Variants in ZEB2 observed in about 807,000 individuals in gnomAD.
ZEB2 encodes the protein zinc finger E-box binding homeobox 2.
A neutral mutation model predicts 99.9 loss-of-function variants in ZEB2; 6 were observed. The observed-to-expected ratio is 0.06, with a 90% confidence interval of 0.03 to 0.12. The LOEUF is 0.12. Ranked by LOEUF, ZEB2 falls within the 10% of genes least tolerant of loss-of-function variation. ZEB2 has a pLI of 1.00. For synonymous variants in ZEB2, 517 were observed against 542.5 expected, an observed-to-expected ratio of 0.95 and a Z score of 0.65; for missense variants, 969 against 1,502.8, an observed-to-expected ratio of 0.64 and a Z score of 5.87.
At chr2:144,476,983 TTTATATATTATCTA>T (rs1378504949) in intron 2 of ZEB2, among the ~76,000 whole-genome samples, 2 of 152,228 alleles carry the variant, frequency 1.3e-5, no homozygotes, top group Non-Finnish European at 2.9e-5. Flanking sequence ...TGAAACAAAA[TTTATATATTATCTA>T]TTATCTCAAA....
chr2:144,513,246 G>A, intron 2 of ZEB2: 1 of 1,287,796 alleles, frequency 7.8e-7, no homozygotes, highest in Non-Finnish European at 1.0e-6. Context: ...GGTAAAGAGT[G>A]AGGGCTTATT....
chr2:144,510,659 A>C (rs767071413), intron 2 of ZEB2, among the ~76,000 whole-genome samples: 4 of 149,548 alleles, frequency 2.7e-5, no homozygotes, highest in Non-Finnish European at 4.4e-5. Context: ...CAAACACCTA[A>C]GTTATTTTAC....
chr2:144,493,870 C>T lies in ZEB2; in HGVS notation c.73+23408G>A, dbSNP rs373074076. 2.6e-4 allele frequency among the ~76,000 whole-genome samples: 39 copies of T among 152,152 alleles called. No homozygotes were observed. The South Asian group carries it at 7.5e-3, about 29-fold the overall frequency. ...CTTGGTCTTTTTAGATTGTCAAAAA[C>T]GGCCAGGCGCAGTGGCTCACGCCTG... On this transcript the variant is annotated intron_variant, in intron 2 of 9. Transcript: ENST00000627532.
At position 144,416,605 on chromosome 2, in the gene ZEB2, C is replaced by T. The variant is rs542382425; in HGVS notation, c.403+8191G>A. On this transcript the variant is annotated intron_variant, in intron 4 of 9. Coordinates refer to ENST00000627532, the MANE Select transcript of ZEB2 (RefSeq NM_014795.4). ...GACTACATTCTCTCCTATCATCATT[C>T]TGTCTTCTTCTTCTGATCTTACTGC... 6.6e-5 allele frequency among the ~76,000 whole-genome samples: 10 copies of T among 152,292 alleles called. No homozygotes were observed. The East Asian group carries it at 1.5e-3, about 23-fold the overall frequency.
chr2:144,434,151 G>A (rs1289902849), intron 2 of ZEB2, among the ~76,000 whole-genome samples: 1 of 152,168 alleles, frequency 6.6e-6, no homozygotes, highest in Non-Finnish European at 1.5e-5. Flanking sequence ...TTCACCAGAA[G>A]CAGAAACTCT....
At chr2:144,506,504 C>T (rs1704952269) in intron 2 of ZEB2, among the ~76,000 whole-genome samples, 1 of 152,174 alleles carries the variant, frequency 6.6e-6, no homozygotes, top group African/African-American at 2.4e-5. Context: ...TGATGTGAAA[C>T]ACTTCCATTG....
intron 4 of ZEB2, among the ~76,000 whole-genome samples, chr2:144,416,232 T>A (rs1357079052): frequency 6.6e-6 from 1 of 152,206 alleles, no homozygotes; most frequent in Non-Finnish European, 1.5e-5. Context: ...TTTATTTACC[T>A]CAGTTCACCT....
At position 144,389,176 on chromosome 2, in the gene ZEB2, T is replaced by C. The variant is rs1703120751; in HGVS notation, c.*275A>G. On this transcript the variant is annotated 3_prime_UTR_variant, in exon 10 of 10. Transcript: ENST00000627532. This position sits in a 1 kb window ranked among gnomAD's most constrained non-coding sequence, Gnocchi z 6.8. ...ATTCTTACAATTTTCTAGTTGTGCTTAAAGTATAAATGCTATTAAACACAG... is the reference window on the plus strand; with the variant it reads ...ATTCTTACAATTTTCTAGTTGTGCTCAAAGTATAAATGCTATTAAACACAG... 1 of 583,880 alleles carries C rather than the reference T, an allele frequency of 1.7e-6. No individual in the cohort carries two copies. The highest frequency in any genetic ancestry group is 1.9e-5 in the African/African-American group (1 of 53,538). 36.2% of individuals were successfully genotyped at this position (583,880 alleles called of 1,614,324 possible). A position where few individuals can be genotyped will look rare whatever the true frequency, so the allele number is the denominator to read the frequency against.
intron 2 of ZEB2, among the ~76,000 whole-genome samples, chr2:144,487,360 C>T (rs1416740233): frequency 1.3e-5 from 2 of 151,932 alleles, no homozygotes; most frequent in Admixed American, 1.3e-4. Context: ...ATATCAGGAA[C>T]AATTTTGAAT....
Position 144,385,320 on chromosome 2 carries a change from T to C in ZEB2, c.*4131A>G, listed in dbSNP as rs1038630321. 1 of 152,152 alleles carries C rather than the reference T, an allele frequency of 6.6e-6. No individual in the cohort carries two copies. The highest frequency in any genetic ancestry group is 2.4e-5 in the African/African-American group (1 of 41,434). 9.4% of individuals were successfully genotyped at this position (152,152 alleles called of 1,614,324 possible). ...CAAATGTCATTGAATACAGAATAGT[T>C]GAGTTACAGTTAAGAAGGGAGCCAT... On this transcript the variant is annotated 3_prime_UTR_variant, in exon 10 of 10. Coordinates refer to ENST00000627532, the MANE Select transcript of ZEB2 (RefSeq NM_014795.4).
At position 144,388,888 on chromosome 2, in the gene ZEB2, CAG is replaced by C; in HGVS notation, c.*561_*562del. On this transcript the variant is annotated 3_prime_UTR_variant, in exon 10 of 10. Transcript: ENST00000627532. The surrounding 1 kb of genome is among the most constrained non-coding windows in gnomAD (Gnocchi z 5.4). ...ACATGCATCACTTCAAGTTCCTTCA[CAG>C]AAAAAAAAAAAAATTGAGGCCTAAA... 2.6e-6 allele frequency: 1 copy of C among 383,442 alleles called. No homozygotes were observed. Among genetic ancestry groups the C allele is most frequent in the Admixed American group, 3.0e-5 (1 of 33,378 alleles). 23.8% of individuals were successfully genotyped at this position (383,442 alleles called of 1,614,324 possible).
intron 1 of ZEB2, chr2:144,519,370 C>T (rs1338648701): frequency 6.6e-6 from 1 of 151,440 alleles, no homozygotes; most frequent in East Asian, 1.9e-4. Flanking sequence ...AAATGAAACT[C>T]GCTAAGCAGA....
At chr2:144,478,678 T>A (rs539794262) in intron 2 of ZEB2, among the ~76,000 whole-genome samples, 1 of 152,364 alleles carries the variant, frequency 6.6e-6, no homozygotes, top group African/African-American at 2.4e-5. Context: ...GCAATGAAAC[T>A]TTCTTTTTCT....
At chr2:144,474,726 C>G (rs1423698777) in intron 2 of ZEB2, among the ~76,000 whole-genome samples, 1 of 152,164 alleles carries the variant, frequency 6.6e-6, no homozygotes, top group Non-Finnish European at 1.5e-5. Flanking sequence ...TACATTAGAT[C>G]ATCACCATCC....
intron 2 of ZEB2, chr2:144,507,508 T>A (rs1178690088): frequency 6.6e-6 from 1 of 152,230 alleles, no homozygotes; most frequent in Non-Finnish European, 1.5e-5. Flanking sequence ...GATGATTACA[T>A]TCCTCAATTG....
At chr2:144,392,744 CAAG>C (rs1703169106) in intron 9 of ZEB2, among the ~76,000 whole-genome samples, 1 of 152,144 alleles carries the variant, frequency 6.6e-6, no homozygotes, top group Non-Finnish European at 1.5e-5. Flanking sequence ...TGATTCAAAT[CAAG>C]ATGTCCTAGA....
chr2:144,416,072 T>G (rs1703536026), intron 4 of ZEB2, among the ~76,000 whole-genome samples: 1 of 152,238 alleles, frequency 6.6e-6, no homozygotes, highest in African/African-American at 2.4e-5. Flanking sequence ...GGGCTAACCC[T>G]GGGACAAGAA....
At chr2:144,444,070 T>G (rs1046743303) in intron 2 of ZEB2, among the ~76,000 whole-genome samples, 2 of 152,206 alleles carry the variant, frequency 1.3e-5, no homozygotes, top group African/African-American at 4.8e-5. Flanking sequence ...AACTTTTCTT[T>G]TTGGTAGCTT....
chr2:144,513,236 G>A (rs1250863785), intron 2 of ZEB2: 3 of 1,287,380 alleles, frequency 2.3e-6, no homozygotes, highest in African/African-American at 3.0e-5. Flanking sequence ...TTAAGGAAGT[G>A]GTAAAGAGTG....
Sources: allele counts gnomAD v4.1 joint callset (sites outside exome capture counted in the v4.1 genomes callset), GRCh38; gene constraint gnomAD v4.1.1; non-coding constraint Gnocchi (gnomAD v3.1); transcripts MANE v1.5; gene names NCBI Gene and HGNC (gene_info 2026-07-23, HGNC 2026-07-21).